VWA5A: variants seen among roughly 807,000 people sequenced by gnomAD.
VWA5A encodes the protein von Willebrand factor A domain-containing protein 5A.
A neutral mutation model predicts 84.6 loss-of-function variants in VWA5A; 77 were observed. The ratio of observed to expected loss-of-function variants is 0.91; its 90% CI spans 0.76 to 1.10. The LOEUF (loss-of-function observed/expected upper bound fraction) is 1.10, where lower values mean the gene tolerates loss of function less well. Ranked by LOEUF, VWA5A falls within the 50% of genes least tolerant of loss-of-function variation. VWA5A has a pLI of 0.00. For missense variants in VWA5A, 973 were observed against 963.0 expected (o/e 1.01, Z -0.14); for synonymous variants, 334 against 350.1 (o/e 0.95, Z 0.51).
Position 124,145,313 on chromosome 11 carries a change from A to G in VWA5A, c.2231A>G (p.Glu744Gly), listed in dbSNP as rs770910797. The G allele has an allele frequency of 1.4e-5, 22 of 1,613,652 alleles. No homozygotes were observed. The South Asian group carries it at 1.9e-4, about 14-fold the overall frequency. ...LHSNGKDLKC[E>G]WELLERKAVA... ...AGCAATGGTAAGGACTTGAAGTGTG[A>G]ATGGGAGCTTCTGGAAAGGAAGGCC... Residue 744 changes from glutamate (E) to glycine (G), a missense_variant, in exon 18 of 19, where the codon GAA (glutamate) becomes GGA (glycine). Glu to Gly is a moderately conservative substitution (Grantham distance 98, BLOSUM62 -2). Coordinates refer to ENST00000456829, the MANE Select transcript of VWA5A (RefSeq NM_001130142.2).
At chr11:124,120,009 T>C (rs534216295) in intron 7 of VWA5A, among the ~76,000 whole-genome samples, 1 of 152,288 alleles carries the variant, frequency 6.6e-6, no homozygotes, top group East Asian at 1.9e-4. Flanking sequence ...TTTTTTTCTC[T>C]TTTCGAGATA....
rs1202666862 is a variant in VWA5A, at chr11:124,142,412, C to T, written c.2024-30C>T. On this transcript the variant is annotated intron_variant, in intron 16 of 18. Coordinates refer to ENST00000456829, the MANE Select transcript of VWA5A (RefSeq NM_001130142.2). ...TGAGGTGCCGATAGCTCCACAATTT[C>T]TCATTCTTCTCTTTTCTTTCTCCTC... The T allele has an allele frequency of 2.5e-6, 4 of 1,611,800 alleles. No individual in the cohort carries two copies. The South Asian group carries it at 3.3e-5, about 13-fold the overall frequency.
chr11:124,122,819 G>A, intron 7 of VWA5A, 141 bp from the exon 8 acceptor site: 2 of 772,336 alleles, frequency 2.6e-6, no homozygotes, highest in South Asian at 2.0e-5. Flanking sequence ...CCCATTGCAA[G>A]CAGTTATGGT....
chr11:124,123,040 G>A lies in VWA5A; in HGVS notation c.841G>A (p.Glu281Lys). The change falls in exon 8 of 19, where the codon GAG (glutamate) becomes AAG (lysine). Residue 281 changes from glutamate to lysine, a missense_variant. Coordinates refer to ENST00000456829, the MANE Select transcript of VWA5A (RefSeq NM_001130142.2). ...PEDQPSNTCG[E>K]FIFLMDRSGS... ...AGATCAACCATCAAATACCTGTGGA[G>A]AGTTTATCTTTCTCATGGACCGCTC... The A allele has an allele frequency of 1.2e-6, 2 of 1,614,122 alleles. No individual in the cohort carries two copies.
intron 16 of VWA5A, 98 bp from the exon 17 acceptor site, chr11:124,142,344 T>G: frequency 1.3e-6 from 2 of 1,487,586 alleles, no homozygotes; most frequent in South Asian, 2.6e-5. Context: ...GCATTCTTGC[T>G]ATGGCCTGTC....
intron 7 of VWA5A, among the ~76,000 whole-genome samples, chr11:124,120,042 C>G (rs993065876): frequency 6.6e-6 from 1 of 152,042 alleles, no homozygotes; most frequent in Non-Finnish European, 1.5e-5. Context: ...CAAAATTGAC[C>G]ATTTTAACTG....
rs11219467 is a variant in VWA5A, at chr11:124,136,054, T to C, written c.1360-75T>C. On this transcript the variant is annotated intron_variant, in intron 12 of 18. Transcript: ENST00000456829. The stretch of plus-strand genomic sequence containing the variant: ...TGTATTATGTATCACATCTGATACA[T>C]AATAAATGTCCAGTTAATTGTAGCT... 534 of 1,515,446 alleles carry C rather than the reference T, an allele frequency of 3.5e-4. 6 individuals are homozygous for C. The East Asian group carries it at 8.8e-3, about 25-fold the overall frequency. The allele number at this position is 1,515,446 out of a possible 1,614,324, so 93.9% of individuals were successfully genotyped here.
At chr11:124,135,107 G>C in intron 12 of VWA5A, 73 bp downstream of exon 12, 9 of 1,313,824 alleles carry the variant, frequency 6.9e-6, no homozygotes, top group Non-Finnish European at 8.5e-6. Flanking sequence ...GGGGAACACT[G>C]TGTAAGGGCA....
At position 124,130,118 on chromosome 11, in the gene VWA5A, G is replaced by T. The variant is rs1279619641; in HGVS notation, c.1245-4802G>T. On this transcript the variant is annotated intron_variant, in intron 11 of 18. Transcript: ENST00000456829. ...TCCTGCTTTGTTCTGTGGGCATTTA[G>T]TGCTATAAATTTCCCTCTAAACAGT... Among the ~76,000 whole-genome samples the T allele has an allele frequency of 2.6e-5, 4 of 152,114 alleles. No individual in the cohort carries two copies. The East Asian group carries it at 7.7e-4, about 29-fold the overall frequency.
At chr11:124,140,678 A>C (rs1260890056) in intron 15 of VWA5A, among the ~76,000 whole-genome samples, 3 of 152,158 alleles carry the variant, frequency 2.0e-5, no homozygotes, top group African/African-American at 4.8e-5. Flanking sequence ...TACATTGCCT[A>C]GGCTGGTCTC....
intron 15 of VWA5A, among the ~76,000 whole-genome samples, chr11:124,140,676 C>T (rs1311742985): frequency 6.6e-6 from 1 of 151,958 alleles, no homozygotes; most frequent in Non-Finnish European, 1.5e-5. Flanking sequence ...ACTACATTGC[C>T]TAGGCTGGTC....
intron 11 of VWA5A, among the ~76,000 whole-genome samples, chr11:124,132,571 A>C (rs1231941130): frequency 6.6e-6 from 1 of 152,018 alleles, no homozygotes; most frequent in East Asian, 1.9e-4. Context: ...AATGTTATTA[A>C]ATTTTGTAGA....
chr11:124,123,095 A>C lies in VWA5A; in HGVS notation c.896A>C (p.Gln299Pro). Residue 299 changes from glutamine to proline, a missense_variant, in exon 8 of 19, where the codon CAG (glutamine) becomes CCG (proline). By Grantham distance (76) the Gln-to-Pro change is moderately conservative. Transcript: ENST00000456829. ...AGTATGCAGAGCCCCATGAGTAGCC[A>C]GGATACATCTCAGCTGCGAATACAG... ...SGSMQSPMSS[Q>P]DTSQLRIQAA... 6.2e-7 allele frequency: 1 copy of C among 1,613,666 alleles called. No individual in the cohort carries two copies. Among genetic ancestry groups the C allele is most frequent in the Non-Finnish European group, 8.5e-7 (1 of 1,179,938 alleles).
At chr11:124,131,953 C>G (rs954297678) in intron 11 of VWA5A, among the ~76,000 whole-genome samples, 1 of 151,726 alleles carries the variant, frequency 6.6e-6, no homozygotes, top group Non-Finnish European at 1.5e-5. Context: ...GTAAGGGTTT[C>G]CCTTTTTTTG....
chr11:124,119,265 A>G (rs1237813597), intron 7 of VWA5A, among the ~76,000 whole-genome samples, 176 bp downstream of exon 7: 3 of 152,230 alleles, frequency 2.0e-5, no homozygotes, highest in African/African-American at 4.8e-5. Context: ...CTGTCATGTG[A>G]TATGTCTTGT....
chr11:124,132,379 C>T (rs1565619007), intron 11 of VWA5A, among the ~76,000 whole-genome samples: 1 of 151,956 alleles, frequency 6.6e-6, no homozygotes, highest in Non-Finnish European at 1.5e-5. Flanking sequence ...TTTTTCCTTG[C>T]TCCAAAAGGT....
chr11:124,132,105 G>T (rs2137649503), intron 11 of VWA5A, among the ~76,000 whole-genome samples: 1 of 152,114 alleles, frequency 6.6e-6, no homozygotes, highest in African/African-American at 2.4e-5. Flanking sequence ...TTAGATGAAT[G>T]TGTGATTTTA....
At chr11:124,120,514 C>G (rs1864914664) in intron 7 of VWA5A, among the ~76,000 whole-genome samples, 1 of 152,196 alleles carries the variant, frequency 6.6e-6, no homozygotes, top group African/African-American at 2.4e-5. Context: ...CCTACTCTCT[C>G]ATTGTTAATG....
intron 4 of VWA5A, 133 bp downstream of exon 4, chr11:124,118,008 T>C (rs1252203511): frequency 7.6e-7 from 1 of 1,324,450 alleles, no homozygotes; most frequent in African/African-American, 1.5e-5. Context: ...TTTCTTCCAC[T>C]CTTTTCTAAC....
Sources: allele counts gnomAD v4.1 joint callset (sites outside exome capture counted in the v4.1 genomes callset), GRCh38; gene constraint gnomAD v4.1.1; transcripts MANE v1.5; gene names NCBI Gene and HGNC (gene_info 2026-07-23, HGNC 2026-07-21).